The following URB1 variants were observed in gnomAD, a reference collection of about 807,000 sequenced individuals.
The protein encoded by URB1 is nucleolar pre-ribosomal-associated protein 1.
URB1 carries 197 observed loss-of-function variants against 242.3 expected under a neutral mutation model. That is an observed-to-expected ratio of 0.81 (90% confidence interval 0.72 to 0.91). The LOEUF is 0.91. URB1 is among the 40% of genes least tolerant of loss of function. URB1 has a pLI of 0.00. For synonymous variants in URB1, 1,153 were observed against 1,201.8 expected, an observed-to-expected ratio of 0.96 and a Z score of 0.84; for missense variants, 2,721 against 2,860.5, an observed-to-expected ratio of 0.95 and a Z score of 1.11.
intron 20 of URB1, among the ~76,000 whole-genome samples, chr21:32,349,716 A>C (rs1356297174): frequency 6.6e-6 from 1 of 152,232 alleles, no homozygotes; most frequent in Middle Eastern, 3.2e-3. Context: ...ACTGAAAGGG[A>C]CAGGCCCACC....
chr21:32,321,700 C>T lies in URB1; in HGVS notation c.5484+101G>A, dbSNP rs565376138. ...AGAGCCAGGGTTAGGTCGGTCGTGTCCAGGCTGGGAACTGAATTCATACGG... is the reference window on the plus strand; with the variant it reads ...AGAGCCAGGGTTAGGTCGGTCGTGTTCAGGCTGGGAACTGAATTCATACGG... On this transcript the variant is annotated intron_variant, in intron 34 of 38. Coordinates refer to ENST00000382751, the MANE Select transcript of URB1 (RefSeq NM_014825.3). 1.6e-3 allele frequency: 2,423 copies of T among 1,495,954 alleles called. 8 individuals carry two copies. The highest frequency in any genetic ancestry group is 3.3e-3 in the Admixed American group (161 of 49,088). 92.7% of individuals were successfully genotyped at this position (1,495,954 alleles called of 1,614,324 possible).
At chr21:32,370,811 T>G (rs1160080771) in intron 8 of URB1, among the ~76,000 whole-genome samples, 1 of 152,228 alleles carries the variant, frequency 6.6e-6, no homozygotes, top group Non-Finnish European at 1.5e-5. Flanking sequence ...CAACAGACTG[T>G]GTAGGCTGCC....
At chr21:32,334,401 C>G in intron 28 of URB1, 67 bp from the exon 29 acceptor site, 1 of 1,474,170 alleles carries the variant, frequency 6.8e-7, no homozygotes, top group Admixed American at 2.3e-5. Context: ...ATCATGATAA[C>G]AACAACAGGT....
At chr21:32,320,708 T>C in intron 34 of URB1, 68 bp from the exon 35 acceptor site, 6 of 1,183,194 alleles carry the variant, frequency 5.1e-6, no homozygotes, top group Non-Finnish European at 7.3e-6. Flanking sequence ...AAGAAACCGT[T>C]TTAAAAATTA....
chr21:32,322,404 T>C, intron 33 of URB1, 74 bp downstream of exon 33: 1 of 1,327,202 alleles, frequency 7.5e-7, no homozygotes, highest in South Asian at 1.3e-5. Flanking sequence ...CATGGGGAAA[T>C]GTCAGAATGA....
intron 38 of URB1, among the ~76,000 whole-genome samples, chr21:32,316,152 C>T (rs79175921): frequency 7.9e-6 from 1 of 126,924 alleles, no homozygotes; most frequent in African/African-American, 3.1e-5. Flanking sequence ...CATCATGTGC[C>T]TAATGGTCAG....
At chr21:32,392,229 AAAAGTGTAATTAAATTAT>A (rs1378741327) in intron 1 of URB1, among the ~76,000 whole-genome samples, 3 of 152,198 alleles carry the variant, frequency 2.0e-5, no homozygotes, top group African/African-American at 7.2e-5. Context: ...ACACTTTACA[AAAAGTGTAATTAAATTAT>A]AGAGTCGGCT....
rs2033149135 is a variant in URB1, at chr21:32,350,852, T to C, written c.2684A>G (p.Gln895Arg). ...AAGCGCTTGGCTCTCGTAGGCTGCC[T>C]GCAGCAGGGCTGTGAAGGACGAGGC... ...PLASSFTALL[Q>R]AAYESQALRD... Residue 895 changes from glutamine (Q) to arginine (R), a missense_variant, in exon 20 of 39, where the codon CAG (glutamine) becomes CGG (arginine). By Grantham distance (43) the Gln-to-Arg change is conservative (BLOSUM62 1). Transcript: ENST00000382751. 2 of 1,550,734 alleles carry C rather than the reference T, an allele frequency of 1.3e-6. No homozygotes were observed. The highest frequency in any genetic ancestry group is 1.7e-6 in the Non-Finnish European group (2 of 1,146,946).
At chr21:32,360,371 G>A (rs555829168) in intron 13 of URB1, among the ~76,000 whole-genome samples, 1 of 152,216 alleles carries the variant, frequency 6.6e-6, no homozygotes, top group Non-Finnish European at 1.5e-5. Context: ...CCACATTCTA[G>A]TAAATTTCAT....
rs536193470 is a variant in URB1 at position 32,318,318 on chromosome 21, C to T, written c.5793-401G>A. On this transcript the variant is annotated intron_variant, in intron 36 of 38. Transcript: ENST00000382751. ...CCAGGGAGGCCCTGGGACAGTGTCA[C>T]CACCCACGGCCAAAACCTGATGACC... Among the ~76,000 whole-genome samples the T allele has an allele frequency of 4.6e-5, 7 of 152,258 alleles. No homozygotes were observed. The South Asian group carries it at 1.2e-3, about 27-fold the overall frequency.
At position 32,330,589 on chromosome 21, in the gene URB1, T is replaced by A. The variant is rs2032882731; in HGVS notation, c.4960+2728A>T. 2.0e-5 allele frequency among the ~76,000 whole-genome samples: 3 copies of A among 152,176 alleles called. 1 individual carries two copies. The South Asian group carries it at 6.2e-4, about 31-fold the overall frequency. ...AAGCCTTTTTCTCCTGAAAGCTCTA[T>A]CTGTTATAATTCACTAAAGTTAAAA... On this transcript the variant is annotated intron_variant, in intron 30 of 38. Coordinates refer to ENST00000382751, the MANE Select transcript of URB1 (RefSeq NM_014825.3).
At position 32,337,390 on chromosome 21, in the gene URB1, CCT is replaced by C; in HGVS notation, c.4621+12_4621+13del. On this transcript the variant is annotated intron_variant, in intron 27 of 38. Transcript: ENST00000382751. ...CCTCCCCCTGCTCACACTACCCAGC[CCT>C]CACACCCTCACCTAGGACGCTGAGA... The C allele has an allele frequency of 6.5e-7, 1 of 1,547,432 alleles. No homozygotes were observed. Among genetic ancestry groups the C allele is most frequent in the South Asian group, 1.2e-5 (1 of 83,500 alleles).
chr21:32,311,186 C>T lies in URB1; in HGVS notation c.*3732G>A, dbSNP rs2032557420. The T allele has an allele frequency of 6.2e-6, 1 of 160,196 alleles. No individual in the cohort carries two copies. Among genetic ancestry groups the T allele is most frequent in the African/African-American group, 2.4e-5 (1 of 41,550 alleles). 9.9% of individuals were successfully genotyped at this position (160,196 alleles called of 1,614,324 possible). On this transcript the variant is annotated 3_prime_UTR_variant, in exon 39 of 39. Coordinates refer to ENST00000382751, the MANE Select transcript of URB1 (RefSeq NM_014825.3). ...TATAAAACCATCAGATCTCATGAGACTTACTATCACGAGAACAGCATGGGA... is the reference window on the plus strand; with the variant it reads ...TATAAAACCATCAGATCTCATGAGATTTACTATCACGAGAACAGCATGGGA...
At chr21:32,353,791 G>C (rs958975572) in intron 18 of URB1, 142 bp downstream of exon 18, 2 of 996,948 alleles carry the variant, frequency 2.0e-6, no homozygotes, top group Admixed American at 6.2e-5. Flanking sequence ...TGCTGGCTGG[G>C]TAGCTATCAC....
intron 33 of URB1, 28 bp from the exon 34 acceptor site, chr21:32,321,972 T>G: frequency 6.5e-7 from 1 of 1,547,124 alleles, no homozygotes; most frequent in Non-Finnish European, 8.7e-7. Context: ...AAAAAACTGT[T>G]GTTAATAAGT....
intron 30 of URB1, among the ~76,000 whole-genome samples, chr21:32,327,001 T>C (rs1337664018): frequency 6.6e-6 from 1 of 151,878 alleles, no homozygotes; most frequent in Non-Finnish European, 1.5e-5. Flanking sequence ...CCTGTGGGTA[T>C]GTGTAATAGG....
intron 28 of URB1, chr21:32,335,464 G>A: frequency 6.6e-6 from 1 of 152,342 alleles, no homozygotes; most frequent in Admixed American, 6.5e-5. Flanking sequence ...CAGATGGGAA[G>A]ACTGTATCTC....
chr21:32,315,294 A>G (rs1376236386), intron 38 of URB1, among the ~76,000 whole-genome samples, 195 bp from the exon 39 acceptor site: 4 of 143,342 alleles, frequency 2.8e-5, no homozygotes, highest in African/African-American at 1.0e-4. Context: ...CTTTTTTATT[A>G]TTAAAAAGTT....
At chr21:32,378,134 C>G (rs1269852564) in intron 5 of URB1, among the ~76,000 whole-genome samples, 1 of 152,178 alleles carries the variant, frequency 6.6e-6, no homozygotes, top group African/African-American at 2.4e-5. Context: ...GAGTAGGTTC[C>G]ATAGCCATAA....
Sources: gnomAD v4.1 joint callset for allele counts (sites outside exome capture counted in the v4.1 genomes callset) on GRCh38, gnomAD v4.1.1 for gene constraint, MANE v1.5 for transcripts, NCBI Gene and HGNC (gene_info 2026-07-23, HGNC 2026-07-21) for gene names.